Variants in PAK5 observed in about 807,000 individuals in gnomAD.
PAK5 encodes the protein p21 (RAC1) activated kinase 5, also known as serine/threonine-protein kinase PAK 5.
A neutral mutation model predicts 65.9 loss-of-function variants in PAK5; 16 were observed. The observed-to-expected ratio is 0.24, with a 90% CI of 0.16 to 0.37. PAK5 has a LOEUF of 0.37. Ranked by LOEUF, PAK5 falls within the 10% of genes least tolerant of loss-of-function variation. The pLI, the probability that PAK5 is intolerant of heterozygous loss-of-function variation, is 1.00. For missense variants in PAK5, 785 were observed against 903.9 expected, an observed-to-expected ratio of 0.87 and a Z score of 1.69; for synonymous variants, 371 against 354.9, an observed-to-expected ratio of 1.05 and a Z score of -0.51.
chr20:9,669,302 C>T (rs2047461373), intron 2 of PAK5, among the ~76,000 whole-genome samples: 1 of 152,200 alleles, frequency 6.6e-6, no homozygotes. Context: ...TTCTTATATA[C>T]TTATCTATAT....
chr20:9,649,968 C>G (rs180780485), intron 2 of PAK5, among the ~76,000 whole-genome samples: 10 of 152,272 alleles, frequency 6.6e-5, no homozygotes, highest in Non-Finnish European at 1.5e-4. Flanking sequence ...AAATGGAATT[C>G]AAAACCCGGC....
chr20:9,543,348 T>G (rs2122889461), intron 8 of PAK5, among the ~76,000 whole-genome samples: 1 of 152,094 alleles, frequency 6.6e-6, no homozygotes, highest in African/African-American at 2.4e-5. Context: ...GTCGAGACAA[T>G]GAGGAGCCAT....
At chr20:9,747,239 C>G (rs181647703) in intron 1 of PAK5, among the ~76,000 whole-genome samples, 32 of 152,226 alleles carry the variant, frequency 2.1e-4, no homozygotes, top group Admixed American at 6.5e-4. Flanking sequence ...GATTCACAGC[C>G]GAATTCTACC....
At chr20:9,789,252 T>A (rs899193687) in intron 1 of PAK5, among the ~76,000 whole-genome samples, 10 of 152,192 alleles carry the variant, frequency 6.6e-5, no homozygotes, top group South Asian at 6.2e-4. Flanking sequence ...TATGTCTTAT[T>A]CACAACTCTT....
At chr20:9,690,750 CTTTTTTTT>C (rs112955560) in intron 2 of PAK5, among the ~76,000 whole-genome samples, 2 of 103,978 alleles carry the variant, frequency 1.9e-5, no homozygotes, top group Non-Finnish European at 3.7e-5. Context: ...TTCTTTCTTT[CTTTTTTTT>C]TTTTTTTTTT....
At chr20:9,607,641 G>A (rs1051195222) in intron 3 of PAK5, among the ~76,000 whole-genome samples, 1 of 152,032 alleles carries the variant, frequency 6.6e-6, no homozygotes, top group African/African-American at 2.4e-5. Flanking sequence ...AGACTAGGGA[G>A]ACCCTGTATC....
chr20:9,624,686 G>C (rs141951911), intron 3 of PAK5, among the ~76,000 whole-genome samples: 10 of 152,072 alleles, frequency 6.6e-5, no homozygotes, highest in African/African-American at 2.2e-4. Context: ...GGAGTCTCCT[G>C]AGCTGGGTGG....
intron 1 of PAK5, among the ~76,000 whole-genome samples, chr20:9,756,300 A>G (rs2048633286): frequency 6.6e-6 from 1 of 152,192 alleles, no homozygotes; most frequent in Non-Finnish European, 1.5e-5. Flanking sequence ...GTAAAGCATT[A>G]GTTGAGCCAA....
chr20:9,625,894 CT>C (rs2046837574), intron 3 of PAK5, among the ~76,000 whole-genome samples: 2 of 152,206 alleles, frequency 1.3e-5, no homozygotes, highest in Admixed American at 1.3e-4. Flanking sequence ...TTTAGGCTCA[CT>C]GTTTCCAAAA....
At chr20:9,633,177 C>T (rs1374409859) in intron 3 of PAK5, among the ~76,000 whole-genome samples, 1 of 152,104 alleles carries the variant, frequency 6.6e-6, no homozygotes, top group Non-Finnish European at 1.5e-5. Context: ...AAGGCATATT[C>T]TTATGATGTT....
chr20:9,768,119 T>C (rs2048790204), intron 1 of PAK5, among the ~76,000 whole-genome samples: 1 of 152,190 alleles, frequency 6.6e-6, no homozygotes, highest in Non-Finnish European at 1.5e-5. Flanking sequence ...AATTTTTGAT[T>C]ACTATGGGCA....
intron 3 of PAK5, among the ~76,000 whole-genome samples, chr20:9,601,661 T>A (rs577248380): frequency 6.6e-6 from 1 of 152,172 alleles, no homozygotes; most frequent in Non-Finnish European, 1.5e-5. Flanking sequence ...TGGGACCCAC[T>A]GACTTTGAAC....
chr20:9,723,657 A>G (rs1201685740), intron 1 of PAK5, among the ~76,000 whole-genome samples: 1 of 152,174 alleles, frequency 6.6e-6, no homozygotes, highest in Non-Finnish European at 1.5e-5. Context: ...TGCCATCATG[A>G]TGAAATCTGT....
chr20:9,555,725 TA>T (rs1219412917), intron 7 of PAK5, among the ~76,000 whole-genome samples: 1 of 152,230 alleles, frequency 6.6e-6, no homozygotes, highest in African/African-American at 2.4e-5. Context: ...AGGCAGAGTT[TA>T]TATCCCTACT....
intron 7 of PAK5, among the ~76,000 whole-genome samples, chr20:9,556,188 T>A (rs555287897): frequency 6.6e-6 from 1 of 152,300 alleles, no homozygotes; most frequent in African/African-American, 2.4e-5. Context: ...AGCAATGCAA[T>A]GGTTAAAGCA....
chr20:9,558,064 A>ATTCATTCG, intron 6 of PAK5, among the ~76,000 whole-genome samples: 1 of 150,780 alleles, frequency 6.6e-6, no homozygotes. Flanking sequence ...TCATTCATTC[A>ATTCATTCG]TTCATTCTTT....
intron 1 of PAK5, among the ~76,000 whole-genome samples, chr20:9,719,772 T>C (rs2048192953): frequency 6.6e-6 from 1 of 152,174 alleles, no homozygotes; most frequent in Non-Finnish European, 1.5e-5. Flanking sequence ...AAAACCAAGG[T>C]AATAACAGGG....
intron 3 of PAK5, among the ~76,000 whole-genome samples, chr20:9,610,135 C>T (rs2046531391): frequency 6.6e-6 from 1 of 152,100 alleles, no homozygotes; most frequent in African/African-American, 2.4e-5. Flanking sequence ...CTGAAAGTAT[C>T]TTGGTGAGAG....
At chr20:9,761,619 G>A (rs1447649755) in intron 1 of PAK5, among the ~76,000 whole-genome samples, 1 of 152,014 alleles carries the variant, frequency 6.6e-6, no homozygotes, top group Non-Finnish European at 1.5e-5. Context: ...AAGGCTGGAG[G>A]CACCATACTT....
Sources: gnomAD v4.1 joint callset for allele counts (sites outside exome capture counted in the v4.1 genomes callset) on GRCh38, gnomAD v4.1.1 for gene constraint, MANE v1.5 for transcripts, NCBI Gene and HGNC (gene_info 2026-07-23, HGNC 2026-07-21) for gene names.